The following CSMD1 variants were observed in gnomAD, a reference collection of about 807,000 sequenced individuals.
CSMD1 encodes CUB and sushi domain-containing protein 1.
A neutral mutation model predicts 417.5 loss-of-function variants in CSMD1; 213 were observed. The ratio of observed to expected loss-of-function variants is 0.51; its 90% confidence interval spans 0.46 to 0.57. The LOEUF (loss-of-function observed/expected upper bound fraction) is 0.57, where lower values mean the gene tolerates loss of function less well. Ranked by LOEUF, CSMD1 falls within the 20% of genes least tolerant of loss-of-function variation. The probability of loss-of-function intolerance (pLI) is 0.00; values close to 1 mark genes in which losing one functional copy is unlikely to be tolerated. For synonymous variants in CSMD1, 2,862 were observed against 1,736.8 expected, an observed-to-expected ratio of 1.65 and a Z score of -16.11; for missense variants, 6,923 against 4,529.7, an observed-to-expected ratio of 1.53 and a Z score of -15.17.
chr8:3,160,291 T>A (rs947494584), intron 38 of CSMD1, among the ~76,000 whole-genome samples: 1 of 152,026 alleles, frequency 6.6e-6, no homozygotes, highest in African/African-American at 2.4e-5. Flanking sequence ...CCCAGCTCAT[T>A]TTTGTATTTT....
chr8:3,412,798 G>C (rs1263393318), intron 12 of CSMD1, among the ~76,000 whole-genome samples: 1 of 152,196 alleles, frequency 6.6e-6, no homozygotes, highest in African/African-American at 2.4e-5. Flanking sequence ...GATGGGAATG[G>C]ATTTACTTAA....
intron 25 of CSMD1, among the ~76,000 whole-genome samples, chr8:3,289,912 C>G (rs1298070780): frequency 1.4e-5 from 2 of 147,424 alleles, no homozygotes; most frequent in Non-Finnish European, 2.9e-5. Flanking sequence ...ATGCCTGTGT[C>G]CTGAATGGTA....
At chr8:4,918,036 T>C (rs547590463) in intron 1 of CSMD1, among the ~76,000 whole-genome samples, 3 of 152,308 alleles carry the variant, frequency 2.0e-5, no homozygotes, top group East Asian at 1.9e-4. Context: ...AAAATAATAC[T>C]AGACTTTGTG....
chr8:3,841,760 A>G (rs1226178693), intron 5 of CSMD1, among the ~76,000 whole-genome samples: 4 of 152,124 alleles, frequency 2.6e-5, no homozygotes, highest in Non-Finnish European at 5.9e-5. Flanking sequence ...CTACATTAAT[A>G]ACATCCACAG....
At chr8:4,696,143 G>C (rs555267004) in intron 1 of CSMD1, among the ~76,000 whole-genome samples, 1 of 152,122 alleles carries the variant, frequency 6.6e-6, no homozygotes, top group Non-Finnish European at 1.5e-5. Context: ...AACAGTTTTT[G>C]TTACATGAAA....
At chr8:3,310,616 A>G (rs1480032539) in intron 23 of CSMD1, among the ~76,000 whole-genome samples, 1 of 152,202 alleles carries the variant, frequency 6.6e-6, no homozygotes, top group Non-Finnish European at 1.5e-5. Context: ...ATCGGGGTGT[A>G]AAAAACTTTT....
chr8:4,780,072 G>A (rs947475233), intron 1 of CSMD1, among the ~76,000 whole-genome samples: 1 of 152,080 alleles, frequency 6.6e-6, no homozygotes, highest in Non-Finnish European at 1.5e-5. Context: ...CGTACTTCAG[G>A]ATGTCTGTTG....
intron 2 of CSMD1, among the ~76,000 whole-genome samples, chr8:4,626,987 G>C (rs1467776041): frequency 6.6e-6 from 1 of 151,970 alleles, no homozygotes; most frequent in African/African-American, 2.4e-5. Context: ...TATTTATTGT[G>C]GTAAAGCAAG....
chr8:3,066,230 G>C (rs929113211), intron 49 of CSMD1, among the ~76,000 whole-genome samples: 1 of 152,110 alleles, frequency 6.6e-6, no homozygotes, highest in Non-Finnish European at 1.5e-5. Context: ...AACAGCTAAT[G>C]AAATGAAGCA....
intron 1 of CSMD1, among the ~76,000 whole-genome samples, chr8:4,745,904 C>A (rs1810919825): frequency 6.6e-6 from 1 of 152,154 alleles, no homozygotes; most frequent in Non-Finnish European, 1.5e-5. Flanking sequence ...CACTTCCGTG[C>A]AATCAAGTCA....
chr8:4,203,578 G>C (rs771515023), intron 3 of CSMD1, among the ~76,000 whole-genome samples: 1 of 152,098 alleles, frequency 6.6e-6, no homozygotes, highest in Non-Finnish European at 1.5e-5. Flanking sequence ...CAGTGTAGCT[G>C]GGAGACTTAG....
chr8:3,002,265 G>C (rs937409869), intron 52 of CSMD1, among the ~76,000 whole-genome samples: 1 of 152,190 alleles, frequency 6.6e-6, no homozygotes, highest in African/African-American at 2.4e-5. Context: ...AGGCACAGAG[G>C]ACATTGTCTC....
In CSMD1 at chr8:2,938,714, A is replaced by G; in HGVS notation, c.10566T>C (p.Tyr3522=). The part of the protein sequence containing the change: ...RTRPKVQYNG[Y]AGHENSNGQA... ...GTCCATTGCTGTTTTCATGCCCAGCATAGCCATTGTATTGAACTTTTGGTC... is the reference window on the plus strand; with the variant it reads ...GTCCATTGCTGTTTTCATGCCCAGCGTAGCCATTGTATTGAACTTTTGGTC... The change falls in exon 70 of 70, where the codon TAT becomes TAC. Residue 3522 remains tyrosine (Y), a synonymous_variant. Coordinates refer to ENST00000635120, the MANE Select transcript of CSMD1 (RefSeq NM_033225.6). 6.2e-7 allele frequency: 1 copy of G among 1,611,152 alleles called. No homozygotes were observed. The highest frequency in any genetic ancestry group is 2.2e-5 in the East Asian group (1 of 44,802).
At chr8:4,453,351 G>T (rs1217633023) in intron 2 of CSMD1, among the ~76,000 whole-genome samples, 1 of 152,136 alleles carries the variant, frequency 6.6e-6, no homozygotes. Flanking sequence ...AACTGCCCCA[G>T]TCTGCTGGGA....
At chr8:4,778,848 T>C (rs907302923) in intron 1 of CSMD1, among the ~76,000 whole-genome samples, 2 of 152,208 alleles carry the variant, frequency 1.3e-5, no homozygotes, top group African/African-American at 4.8e-5. Context: ...CAGATAGTAT[T>C]TACTTTCAAG....
intron 3 of CSMD1, among the ~76,000 whole-genome samples, chr8:4,070,799 T>A (rs1025701072): frequency 6.6e-6 from 1 of 152,208 alleles, no homozygotes; most frequent in Non-Finnish European, 1.5e-5. Context: ...CATAGCTTCC[T>A]CTGATTTTCT....
chr8:2,975,137 A>T (rs1436500350), intron 55 of CSMD1, among the ~76,000 whole-genome samples: 1 of 152,212 alleles, frequency 6.6e-6, no homozygotes, highest in Non-Finnish European at 1.5e-5. Flanking sequence ...GGGGCAGTCT[A>T]ATATGTATAA....
Position 3,100,276 on chromosome 8 carries a change from A to T in CSMD1, c.6950-3239T>A, listed in dbSNP as rs1408918104. Among the ~76,000 whole-genome samples the T allele has an allele frequency of 2.0e-5, 3 of 151,986 alleles. No individual in the cohort carries two copies. The East Asian group carries it at 5.8e-4, about 29-fold the overall frequency. On this transcript the variant is annotated intron_variant, in intron 46 of 69. Coordinates refer to ENST00000635120, the MANE Select transcript of CSMD1 (RefSeq NM_033225.6). Reference sequence around the variant, plus strand: ...GCCATTTTGCCCAGGCTGGTCTCCAACTCCTGGGCTCAAGCAATCCTTCCA... The same window carrying T: ...GCCATTTTGCCCAGGCTGGTCTCCATCTCCTGGGCTCAAGCAATCCTTCCA...
chr8:3,809,744 G>C (rs565028686), intron 5 of CSMD1, among the ~76,000 whole-genome samples: 1 of 152,280 alleles, frequency 6.6e-6, no homozygotes, highest in Admixed American at 6.5e-5. Context: ...GTTTTCCTAA[G>C]AGGGGAGTTG....
Sources: gnomAD v4.1 joint callset for allele counts (sites outside exome capture counted in the v4.1 genomes callset) on GRCh38, gnomAD v4.1.1 for gene constraint, MANE v1.5 for transcripts, NCBI Gene and HGNC (gene_info 2026-07-23, HGNC 2026-07-21) for gene names.